MAPK6: variants seen among roughly 807,000 people sequenced by gnomAD.
MAPK6 encodes the protein ERK-3.
Under a neutral mutation model 59.3 loss-of-function variants are expected in MAPK6, and 19 were observed. The ratio of observed to expected loss-of-function variants is 0.32; its 90% CI spans 0.22 to 0.47. MAPK6 has a LOEUF of 0.47. Among genes scored for constraint, MAPK6 ranks in the 20% least tolerant of loss-of-function variants. The probability of loss-of-function intolerance (pLI) is 1.00; values close to 1 mark genes in which losing one functional copy is unlikely to be tolerated. For missense variants in MAPK6, 724 were observed against 847.9 expected, an observed-to-expected ratio of 0.85 and a Z score of 1.81; for synonymous variants, 316 against 290.3, an observed-to-expected ratio of 1.09 and a Z score of -0.90.
chr15:52,034,226 C>T (rs2031153195), intron 1 of MAPK6, among the ~76,000 whole-genome samples: 1 of 152,108 alleles, frequency 6.6e-6, no homozygotes, highest in African/African-American at 2.4e-5. Flanking sequence ...CTCAGGTGAT[C>T]CGCCCGCCTC....
intron 1 of MAPK6, among the ~76,000 whole-genome samples, chr15:51,974,728 C>CA (rs1566891956): frequency 6.7e-6 from 1 of 150,230 alleles, no homozygotes; most frequent in African/African-American, 2.4e-5. Flanking sequence ...TCTTTTTTCC[C>CA]CCCCCGCAAG....
chr15:52,019,042 C>T (rs781516822), upstream of MAPK6: 1 of 152,298 alleles, frequency 6.6e-6, no homozygotes, highest in Admixed American at 6.5e-5. Flanking sequence ...GGCAAAGCCC[C>T]CAGGAGACGC....
rs188557949 is a variant in MAPK6 at position 51,974,383 on chromosome 15, A to G, written c.-880+2477A>G. ...TTAAGATGATCTTGACAGGCCGGGCACGGTGGCTCACCCCTGTAATCCCAG... is the reference window on the plus strand; with the variant it reads ...TTAAGATGATCTTGACAGGCCGGGCGCGGTGGCTCACCCCTGTAATCCCAG... On this transcript the variant is annotated intron_variant, in intron 1 of 7. Coordinates refer to the MAPK6 transcript ENST00000691380. Among the ~76,000 whole-genome samples the G allele has an allele frequency of 1.3e-3, 192 of 151,628 alleles. 11 individuals carry two copies. The highest frequency in any genetic ancestry group is 9.3e-3 in the East Asian group (48 of 5,138).
At chr15:52,016,072 A>G (rs7168704), upstream of MAPK6, among the ~76,000 whole-genome samples, 1,795 of 61,414 alleles carry the variant, frequency 0.029, 25 homozygotes, top group African/African-American at 0.087. Context: ...GCGCGCGCGC[A>G]CACACACACA....
intron 1 of MAPK6, among the ~76,000 whole-genome samples, chr15:51,972,382 G>A (rs1304460878): frequency 1.3e-5 from 2 of 151,716 alleles, no homozygotes; most frequent in Admixed American, 6.6e-5. Flanking sequence ...CAGGCAATCC[G>A]CCCGCCTCGG....
rs1423988433 is a variant in MAPK6 at position 51,973,526 on chromosome 15, T to TAG, written c.-880+1621_-880+1622insGA. Among the ~76,000 whole-genome samples, 3 of 151,862 alleles carry TAG rather than the reference T, an allele frequency of 2.0e-5. No homozygotes were observed. In the East Asian group the frequency reaches 5.8e-4, roughly 29 times the overall value. On this transcript the variant is annotated intron_variant, in intron 1 of 7. Transcript: ENST00000691380. ...CTGGCTAAATCTTAATAAATTGAATTACAGTTTGGTCTGGTGAGTCACCAT... is the reference window on the plus strand; with the variant it reads ...CTGGCTAAATCTTAATAAATTGAATTAGACAGTTTGGTCTGGTGAGTCACCAT...
chr15:52,010,045 A>G (rs2030009431), intron 3 of MAPK6, among the ~76,000 whole-genome samples: 1 of 152,168 alleles, frequency 6.6e-6, no homozygotes. Context: ...TGCTGGGATT[A>G]CAGGCGTGAG....
intron 1 of MAPK6, among the ~76,000 whole-genome samples, chr15:52,028,092 A>ACAGG (rs2030880842): frequency 1.3e-5 from 2 of 149,848 alleles, no homozygotes; most frequent in Admixed American, 6.7e-5. Flanking sequence ...AGCTGGGACT[A>ACAGG]CAGGCGCCTG....
upstream of MAPK6, among the ~76,000 whole-genome samples, chr15:52,015,437 G>A (rs1010906575): frequency 1.3e-5 from 2 of 151,692 alleles, no homozygotes; most frequent in Admixed American, 6.6e-5. Context: ...CTGAGCCACC[G>A]CATCTGGCCA....
At chr15:52,044,502 C>G (rs993939642) in intron 1 of MAPK6, among the ~76,000 whole-genome samples, 1 of 152,048 alleles carries the variant, frequency 6.6e-6, no homozygotes, top group African/African-American at 2.4e-5. Context: ...AAATTGGTGG[C>G]TTTATTCTTT....
At position 52,064,705 on chromosome 15, in the gene MAPK6, C is replaced by G. The variant is rs187167606; in HGVS notation, c.1871C>G (p.Thr624Ser). The G allele has an allele frequency of 6.2e-7, 1 of 1,611,850 alleles. No individual in the cohort carries two copies. Among genetic ancestry groups the G allele is most frequent in the Admixed American group, 1.7e-5 (1 of 60,012 alleles). ...GATGAACAAGTTGAGAAGGAAAACACTTACACTAGTTACTTGGACAAGTTC... is the reference window on the plus strand; with the variant it reads ...GATGAACAAGTTGAGAAGGAAAACAGTTACACTAGTTACTTGGACAAGTTC... ...RKDEQVEKEN[T>S]YTSYLDKFFS... The change falls in exon 6 of 6, where the codon ACT (threonine) becomes AGT (serine). Residue 624 changes from threonine to serine, a missense_variant. By Grantham distance (58) the Thr-to-Ser change is moderately conservative. This residue lies in a region of MAPK6 where 502 missense variants were observed against 507.6 expected (regional missense o/e 0.99). Coordinates refer to ENST00000261845, the MANE Select transcript of MAPK6 (RefSeq NM_002748.4).
In MAPK6 at chr15:52,067,147, A is replaced by G. The variant is rs1198314902; in HGVS notation, c.*2147A>G. The G allele has an allele frequency of 6.6e-6, 1 of 152,194 alleles. No homozygotes were observed. The highest frequency in any genetic ancestry group is 1.5e-5 in the Non-Finnish European group (1 of 68,022). 9.4% of individuals were successfully genotyped at this position (152,194 alleles called of 1,614,324 possible). A position where few individuals can be genotyped will look rare whatever the true frequency, so the allele number is the denominator to read the frequency against. ...GACCTAGGATTTTTCTTACTGGGAA[A>G]CTTGGCTCCTGGACTTAATCCACAT... On this transcript the variant is annotated 3_prime_UTR_variant, in exon 6 of 6. Transcript: ENST00000261845.
At chr15:52,048,104 A>G (rs1341609634) in intron 2 of MAPK6, among the ~76,000 whole-genome samples, 2 of 152,126 alleles carry the variant, frequency 1.3e-5, no homozygotes, top group Non-Finnish European at 2.9e-5. Context: ...CATGCCTAAG[A>G]CAAATCTTCA....
chr15:52,060,989 A>G (rs193295731), intron 4 of MAPK6, among the ~76,000 whole-genome samples: 52 of 152,362 alleles, frequency 3.4e-4, no homozygotes, highest in African/African-American at 1.1e-3. Flanking sequence ...TTGCAGAGCT[A>G]GGATTAAAAC....
rs766609842 is a variant in MAPK6, at chr15:52,047,018, A to G, written c.555+3A>G. The G allele has an allele frequency of 1.3e-6, 2 of 1,534,058 alleles. No individual in the cohort carries two copies. The highest frequency in any genetic ancestry group is 2.2e-5 in the Admixed American group (1 of 46,240). On this transcript the variant is annotated splice_donor_region_variant and intron_variant, in intron 2 of 5. Coordinates refer to ENST00000261845, the MANE Select transcript of MAPK6 (RefSeq NM_002748.4). ...TGGATCCTCATTATTCCCATAAGGT[A>G]TGTATAGAAAGCCAGCTGAGACAGA...
chr15:51,984,447 A>ATTTT lies in MAPK6; in HGVS notation c.-770+1158_-770+1161dup, dbSNP rs71130112. Among the ~76,000 whole-genome samples, 134 of 69,970 alleles carry ATTTT rather than the reference A, an allele frequency of 1.9e-3. 7 individuals carry two copies. Among genetic ancestry groups the ATTTT allele is most frequent in the African/African-American group, 5.6e-3 (84 of 15,082 alleles). 45.9% of individuals were successfully genotyped at this position (69,970 alleles called of 152,430 possible). A position where few individuals can be genotyped will look rare whatever the true frequency, so the allele number is the denominator to read the frequency against. The stretch of plus-strand genomic sequence containing the variant: ...CAGGCGCCTGCCAACACGCCGGCTA[A>ATTTT]TTTTTTTTTTTTTTTTTTTTTTTTT... On this transcript the variant is annotated intron_variant, in intron 2 of 7. Coordinates refer to the MAPK6 transcript ENST00000691380.
In MAPK6 at chr15:52,051,558, T is replaced by C. The variant is rs561063364; in HGVS notation, c.700+1421T>C. Among the ~76,000 whole-genome samples, 3 of 152,328 alleles carry C rather than the reference T, an allele frequency of 2.0e-5. No homozygotes were observed. In the East Asian group the frequency reaches 5.8e-4, roughly 29 times the overall value. On this transcript the variant is annotated intron_variant, in intron 3 of 5. Transcript: ENST00000261845. ...TTTATATAACAGCAAGCCAGCTCTT[T>C]ATAATTTTTTTCTAATATTTATCTA...
chr15:52,064,249 T>A lies in MAPK6; in HGVS notation c.1415T>A (p.Leu472His). Reference protein sequence around the residue: ...SEVNHYYEPKLIIDLSNWKEQ... With the variant: ...SEVNHYYEPKHIIDLSNWKEQ... The stretch of plus-strand genomic sequence containing the variant: ...GTTAACCATTACTATGAACCCAAGC[T>A]TATTATAGATCTTTCCAATTGGAAA... Residue 472 changes from leucine (L) to histidine (H), a missense_variant, in exon 6 of 6, where the codon CTT becomes CAT. This residue lies in a region of MAPK6 where 502 missense variants were observed against 507.6 expected (regional missense o/e 0.99). Coordinates refer to ENST00000261845, the MANE Select transcript of MAPK6 (RefSeq NM_002748.4). 6.2e-7 allele frequency: 1 copy of A among 1,611,108 alleles called. No individual in the cohort carries two copies. The highest frequency in any genetic ancestry group is 8.5e-7 in the Non-Finnish European group (1 of 1,179,544).
intron 1 of MAPK6, among the ~76,000 whole-genome samples, chr15:51,974,732 C>G (rs1212545604): frequency 1.3e-5 from 2 of 150,706 alleles, no homozygotes; most frequent in African/African-American, 2.4e-5. Flanking sequence ...TTTTCCCCCC[C>G]CGCAAGACAG....
Sources: gnomAD v4.1 joint callset for allele counts (sites outside exome capture counted in the v4.1 genomes callset) on GRCh38, gnomAD v4.1.1 for gene constraint, gnomAD v4.1.1 regional missense constraint, MANE v1.5 for transcripts, NCBI Gene and HGNC (gene_info 2026-07-23, HGNC 2026-07-21) for gene names.